PPP1R10: variants seen among roughly 807,000 people sequenced by gnomAD.
PPP1R10 encodes protein phosphatase 1 regulatory subunit 10.
Under a neutral mutation model 99.0 loss-of-function variants are expected in PPP1R10, and 15 were observed. That is an observed-to-expected ratio of 0.15 (90% CI 0.10 to 0.23). The LOEUF (loss-of-function observed/expected upper bound fraction) is 0.23. PPP1R10 is among the 10% of genes least tolerant of loss of function. The probability of loss-of-function intolerance (pLI) is 1.00; values close to 1 mark genes in which losing one functional copy is unlikely to be tolerated. For missense variants in PPP1R10, 947 were observed against 1,259.4 expected, an observed-to-expected ratio of 0.75 and a Z score of 3.75; for synonymous variants, 430 against 449.5, an observed-to-expected ratio of 0.96 and a Z score of 0.55.
Position 30,607,829 on chromosome 6 carries a change from T to C in PPP1R10, c.382+11A>G, listed in dbSNP as rs1804109513. ...AGAAAAGCCCATGAGAGAGCAGAAGTGGCACCCTACCTTCATCCTCACTTG... is the reference window on the plus strand; with the variant it reads ...AGAAAAGCCCATGAGAGAGCAGAAGCGGCACCCTACCTTCATCCTCACTTG... On this transcript the variant is annotated intron_variant, in intron 6 of 19. Coordinates refer to ENST00000376511, the MANE Select transcript of PPP1R10 (RefSeq NM_002714.4). 1 of 1,611,776 alleles carries C rather than the reference T, an allele frequency of 6.2e-7. No homozygotes were observed. Among genetic ancestry groups the C allele is most frequent in the East Asian group, 2.2e-5 (1 of 44,876 alleles).
At position 30,604,782 on chromosome 6, in the gene PPP1R10, G is replaced by C; in HGVS notation, c.955-47C>G. The C allele has an allele frequency of 6.2e-7, 1 of 1,611,436 alleles. No homozygotes were observed. Among genetic ancestry groups the C allele is most frequent in the Non-Finnish European group, 8.5e-7 (1 of 1,179,142 alleles). ...TTAATGAACTGACTGGAAAGCCAAG[G>C]GCAAGGCAATTAGTCCAGGGTCCCA... is the stretch of plus-strand genomic sequence containing the variant. On this transcript the variant is annotated intron_variant, in intron 11 of 19. Coordinates refer to ENST00000376511, the MANE Select transcript of PPP1R10 (RefSeq NM_002714.4). The surrounding 1 kb of genome is among the most constrained non-coding windows in gnomAD (Gnocchi z 7.3).
Position 30,601,323 on chromosome 6 carries a change from A to G in PPP1R10, c.*226T>C, listed in dbSNP as rs1036981263. On this transcript the variant is annotated 3_prime_UTR_variant, in exon 20 of 20. Coordinates refer to ENST00000376511, the MANE Select transcript of PPP1R10 (RefSeq NM_002714.4). ...AACTGGGTCTCCTCTTCAGCAGTCC[A>G]GGAACGTTTCCAGTCTCTCTCCTCC... The G allele has an allele frequency of 2.1e-5, 12 of 570,578 alleles. No homozygotes were observed. In the African/African-American group the frequency reaches 2.2e-4, roughly 11 times the overall value. 35.3% of individuals were successfully genotyped at this position (570,578 alleles called of 1,614,324 possible). A position where few individuals can be genotyped will look rare whatever the true frequency, so the allele number is the denominator to read the frequency against.
At position 30,616,863 on chromosome 6, in the gene PPP1R10, A is replaced by G. The variant is rs906533178; in HGVS notation, c.-397T>C. On this transcript the variant is annotated 5_prime_UTR_variant, in exon 2 of 20. Coordinates refer to ENST00000376511, the MANE Select transcript of PPP1R10 (RefSeq NM_002714.4). ...CAAGATAGGTGGGAAGGGGCAGAAG[A>G]CACAAGTGGTTGGGCTGGTGGCTGC... The G allele has an allele frequency of 3.9e-5, 6 of 152,372 alleles. No individual in the cohort carries two copies. The highest frequency in any genetic ancestry group is 1.4e-4 in the African/African-American group (6 of 41,538). 9.4% of individuals were successfully genotyped at this position (152,372 alleles called of 1,614,324 possible).
intron 5 of PPP1R10, among the ~76,000 whole-genome samples, chr6:30,608,245 G>A (rs1804163394): frequency 6.7e-6 from 1 of 150,200 alleles, no homozygotes; most frequent in Admixed American, 6.6e-5. Context: ...ACCCACCTCA[G>A]CATCCCAAAG....
At chr6:30,603,701 A>G in intron 15 of PPP1R10, 35 bp from the exon 16 acceptor site, 1 of 1,561,458 alleles carries the variant, frequency 6.4e-7, no homozygotes, top group East Asian at 2.3e-5. Context: ...GGATTGACAG[A>G]ACAGAGACAT....
chr6:30,612,188 A>T (rs1040815583), intron 2 of PPP1R10, among the ~76,000 whole-genome samples: 9 of 152,230 alleles, frequency 5.9e-5, no homozygotes, highest in African/African-American at 1.9e-4. Flanking sequence ...AAGGCCTTGA[A>T]TTAAACATCA....
At position 30,606,115 on chromosome 6, in the gene PPP1R10, G is replaced by A; in HGVS notation, c.740+23C>T. 6.2e-7 allele frequency: 1 copy of A among 1,613,600 alleles called. No individual in the cohort carries two copies. The highest frequency in any genetic ancestry group is 1.3e-5 in the African/African-American group (1 of 74,972). ...TGTGTCCACAGATCCACCCCATTCA[G>A]AGCCTGAGAATATGGTCCATACCTC... On this transcript the variant is annotated intron_variant, in intron 9 of 19. Coordinates refer to ENST00000376511, the MANE Select transcript of PPP1R10 (RefSeq NM_002714.4). The surrounding 1 kb of genome is among the most constrained non-coding windows in gnomAD (Gnocchi z 6.3).
At chr6:30,614,913 A>G (rs950553896) in intron 2 of PPP1R10, among the ~76,000 whole-genome samples, 4 of 152,244 alleles carry the variant, frequency 2.6e-5, no homozygotes, top group African/African-American at 9.6e-5. Context: ...TCCCTTTAAG[A>G]TATTTTATAT....
At chr6:30,614,871 C>T (rs1028219354) in intron 2 of PPP1R10, among the ~76,000 whole-genome samples, 3 of 152,180 alleles carry the variant, frequency 2.0e-5, no homozygotes, top group Non-Finnish European at 2.9e-5. Flanking sequence ...CAGAGATGGA[C>T]AGCCTTGATA....
At position 30,602,657 on chromosome 6, in the gene PPP1R10, T is replaced by C; in HGVS notation, c.1992A>G (p.Pro664=). 6.3e-7 allele frequency: 1 copy of C among 1,595,624 alleles called. No homozygotes were observed. Among genetic ancestry groups the C allele is most frequent in the Non-Finnish European group, 8.5e-7 (1 of 1,173,774 alleles). ...GAGGGGGTGGAGGACCCAGAAGACG[T>C]GGACCCACTGGCCCACCAGGGCCTC... The part of the protein sequence containing the change: ...PHGGPGGPVG[P]RLLGPPPPPR... Residue 664 remains proline, a synonymous_variant, in exon 19 of 20, where the codon CCA becomes CCG. Coordinates refer to ENST00000376511, the MANE Select transcript of PPP1R10 (RefSeq NM_002714.4). The surrounding 1 kb of genome is among the most constrained non-coding windows in gnomAD (Gnocchi z 6.7).
chr6:30,612,724 T>C (rs1030262273), intron 2 of PPP1R10, among the ~76,000 whole-genome samples: 13 of 152,170 alleles, frequency 8.5e-5, no homozygotes, highest in African/African-American at 3.1e-4. Context: ...GTTTCCTTGC[T>C]TTGAAGTCAG....
chr6:30,603,690 A>T, intron 15 of PPP1R10, 24 bp from the exon 16 acceptor site: 2 of 1,568,504 alleles, frequency 1.3e-6, no homozygotes. Flanking sequence ...AAAAAAAATC[A>T]GGATTGACAG....
chr6:30,606,117 G>C lies in PPP1R10; in HGVS notation c.740+21C>G. On this transcript the variant is annotated intron_variant, in intron 9 of 19. Transcript: ENST00000376511. The surrounding 1 kb of genome is among the most constrained non-coding windows in gnomAD (Gnocchi z 6.3). ...TGTCCACAGATCCACCCCATTCAGA[G>C]CCTGAGAATATGGTCCATACCTCTG... 1 of 1,613,544 alleles carries C rather than the reference G, an allele frequency of 6.2e-7. No individual in the cohort carries two copies. Among genetic ancestry groups the C allele is most frequent in the African/African-American group, 1.3e-5 (1 of 74,974 alleles).
Position 30,601,597 on chromosome 6 carries a change from G to C in PPP1R10, c.2775C>G (p.Asn925Lys), listed in dbSNP as rs1408861135. The change falls in exon 20 of 20, where the codon AAC (asparagine) becomes AAG (lysine). Residue 925 changes from asparagine to lysine, a missense_variant. By Grantham distance (94) the Asn-to-Lys change is moderately conservative. Coordinates refer to ENST00000376511, the MANE Select transcript of PPP1R10 (RefSeq NM_002714.4). ...CACCCGGGTGGTAGAAGGCACAGTT[G>C]TTCTCATAGCGGCAGTTGCCCTTCA... ...FMMKGNCRYENNCAFYHPGVN... is the reference protein window; with the variant it reads ...FMMKGNCRYEKNCAFYHPGVN... 1.2e-6 allele frequency: 2 copies of C among 1,614,130 alleles called. No homozygotes were observed. The highest frequency in any genetic ancestry group is 1.7e-6 in the Non-Finnish European group (2 of 1,180,012).
chr6:30,615,687 T>C (rs1335482153), intron 2 of PPP1R10, among the ~76,000 whole-genome samples: 1 of 152,232 alleles, frequency 6.6e-6, no homozygotes, highest in Non-Finnish European at 1.5e-5. Context: ...TCTATTTAAC[T>C]GTACCTCCCC....
At chr6:30,614,142 T>C (rs1473313994) in intron 2 of PPP1R10, among the ~76,000 whole-genome samples, 3 of 152,110 alleles carry the variant, frequency 2.0e-5, no homozygotes, top group Non-Finnish European at 2.9e-5. Flanking sequence ...AGACACCCAA[T>C]ACCACCCTCA....
intron 2 of PPP1R10, among the ~76,000 whole-genome samples, chr6:30,612,030 T>C (rs1356617388): frequency 2.0e-5 from 3 of 152,122 alleles, no homozygotes; most frequent in Non-Finnish European, 4.4e-5. Flanking sequence ...ATCACATCTG[T>C]TGGAGACTGG....
Position 30,606,719 on chromosome 6 carries a change from A to G in PPP1R10, c.460+60T>C, listed in dbSNP as rs1803991062. The G allele has an allele frequency of 6.2e-7, 1 of 1,609,872 alleles. No individual in the cohort carries two copies. Among genetic ancestry groups the G allele is most frequent in the African/African-American group, 1.3e-5 (1 of 74,810 alleles). On this transcript the variant is annotated intron_variant, in intron 7 of 19. Coordinates refer to ENST00000376511, the MANE Select transcript of PPP1R10 (RefSeq NM_002714.4). This position sits in a 1 kb window ranked among gnomAD's most constrained non-coding sequence, Gnocchi z 6.3. ...GAGGTGAAGCAGACTGGGAGCACCT[A>G]AAGGCCACATCCCAATAGGAAAGAA... is the stretch of plus-strand genomic sequence containing the variant.
chr6:30,602,281 T>TACC lies in PPP1R10; in HGVS notation c.2365_2367dup (p.Gly789dup), dbSNP rs773265648. 3 of 1,603,256 alleles carry TACC rather than the reference T, an allele frequency of 1.9e-6. No homozygotes were observed. In the African/African-American group the frequency reaches 4.2e-5, roughly 23 times the overall value. On this transcript the variant is annotated inframe_insertion, in exon 19 of 20. Coordinates refer to ENST00000376511, the MANE Select transcript of PPP1R10 (RefSeq NM_002714.4). This position sits in a 1 kb window ranked among gnomAD's most constrained non-coding sequence, Gnocchi z 6.7. ...CGATGTCCTCCACCCCCACCCATGC[T>TACC]ACCACCAGGGCCTTCATGGGGGCGA... is the stretch of plus-strand genomic sequence containing the variant.
Sources: gnomAD v4.1 joint callset for allele counts (sites outside exome capture counted in the v4.1 genomes callset) on GRCh38, gnomAD v4.1.1 for gene constraint, Gnocchi (gnomAD v3.1) non-coding constraint, MANE v1.5 for transcripts, NCBI Gene and HGNC (gene_info 2026-07-23, HGNC 2026-07-21) for gene names.